TEX11: variants seen among roughly 807,000 people sequenced by gnomAD.
The protein encoded by TEX11 is testis expressed 11.
In TEX11, 7 loss-of-function variants were observed where a neutral mutation model predicts 84.4. The observed-to-expected ratio is 0.08, with a 90% CI of 0.05 to 0.16. The LOEUF (loss-of-function observed/expected upper bound fraction) is 0.16, where lower values mean the gene tolerates loss of function less well. Among genes scored for constraint, TEX11 ranks in the 10% least tolerant of loss-of-function variants. The pLI, the probability that TEX11 is intolerant of heterozygous loss-of-function variation, is 1.00. For synonymous variants in TEX11, 264 were observed against 222.8 expected, an observed-to-expected ratio of 1.18 and a Z score of -1.64; for missense variants, 551 against 660.5, an observed-to-expected ratio of 0.83 and a Z score of 1.82.
intron 17 of TEX11, among the ~76,000 whole-genome samples, chrX:70,641,595 G>C (rs1407245658): frequency 7.2e-5 from 8 of 111,506 alleles, no homozygotes; most frequent in African/African-American, 2.6e-4. Flanking sequence ...AATCAAACTA[G>C]AACTCAGGAT....
intron 25 of TEX11, among the ~76,000 whole-genome samples, chrX:70,566,757 C>G (rs1369990252): frequency 4.3e-4 from 48 of 111,642 alleles, no homozygotes; most frequent in African/African-American, 9.8e-4. Flanking sequence ...ATGAAGCCCA[C>G]TTGATCATGG....
At chrX:70,527,299 C>T (rs1327969027), downstream of TEX11, among the ~76,000 whole-genome samples, 2 of 112,070 alleles carry the variant, frequency 1.8e-5, no homozygotes, top group African/African-American at 6.5e-5. Flanking sequence ...ATTGGAGAGA[C>T]CTGGCAGACA....
In TEX11 at chrX:70,569,183, T is replaced by A. The variant is rs763723347; in HGVS notation, c.2141-14383A>T. The stretch of plus-strand genomic sequence containing the variant: ...ATCTTCCATCACTGACACCCTTTCT[T>A]CCAGTTGATCGCATCGGCTCCTGAG... On this transcript the variant is annotated intron_variant, in intron 25 of 29. Transcript: ENST00000374333. Among the ~76,000 whole-genome samples, 8 of 112,220 alleles carry A rather than the reference T, an allele frequency of 7.1e-5. No homozygotes were observed. In the South Asian group the frequency reaches 3.0e-3, roughly 42 times the overall value.
At chrX:70,772,538 G>A (rs771389920) in intron 9 of TEX11, among the ~76,000 whole-genome samples, 1 of 111,207 alleles carries the variant, frequency 9.0e-6, no homozygotes, top group African/African-American at 3.3e-5. Context: ...TCACAACACT[G>A]CACTGCAGCC....
intron 28 of TEX11, among the ~76,000 whole-genome samples, chrX:70,543,405 A>T (rs2147937427): frequency 9.0e-6 from 1 of 110,967 alleles, no homozygotes; most frequent in South Asian, 3.8e-4. Flanking sequence ...AAGTGGCAAA[A>T]ACAAAATGCA....
At chrX:70,603,239 C>T (rs1315959643) in intron 24 of TEX11, among the ~76,000 whole-genome samples, 5 of 91,925 alleles carry the variant, frequency 5.4e-5, no homozygotes, top group African/African-American at 1.6e-4. Context: ...GAGCCCGCAT[C>T]GCCAAGTCAA....
chrX:70,858,569 A>C (rs2147856624), intron 5 of TEX11, among the ~76,000 whole-genome samples: 1 of 111,193 alleles, frequency 9.0e-6, no homozygotes, highest in African/African-American at 3.3e-5. Flanking sequence ...ATTCTATAAG[A>C]GATTGAACTC....
At chrX:70,840,105 T>A (rs761366920) in intron 7 of TEX11, among the ~76,000 whole-genome samples, 2 of 111,237 alleles carry the variant, frequency 1.8e-5, no homozygotes, top group East Asian at 5.6e-4. Context: ...CAGGCCAACA[T>A]TCAAATTCAG....
intron 28 of TEX11, among the ~76,000 whole-genome samples, chrX:70,535,442 C>T (rs1338638638): frequency 8.9e-6 from 1 of 111,892 alleles, no homozygotes; most frequent in Non-Finnish European, 1.9e-5. Context: ...TGTATTATAA[C>T]CCAAAGTATA....
chrX:70,659,207 T>C (rs1222012369), intron 16 of TEX11, among the ~76,000 whole-genome samples: 5 of 112,006 alleles, frequency 4.5e-5, no homozygotes, highest in African/African-American at 1.6e-4. Context: ...ATCAGATAAA[T>C]GGGCCTCATC....
At chrX:70,671,748 A>G (rs1054660996) in intron 15 of TEX11, among the ~76,000 whole-genome samples, 2 of 108,057 alleles carry the variant, frequency 1.9e-5, no homozygotes, top group African/African-American at 6.7e-5. Flanking sequence ...TTTGTTTCTC[A>G]GATTTTGTTC....
downstream of TEX11, among the ~76,000 whole-genome samples, chrX:70,527,644 CTG>C (rs201050613): frequency 0.067 from 7,463 of 111,541 alleles, 213 homozygotes; most frequent in East Asian, 0.11. Context: ...TGAATGCGGT[CTG>C]TGGATTAGAT....
intron 9 of TEX11, among the ~76,000 whole-genome samples, chrX:70,778,645 T>TTG (rs1200610301): frequency 9.6e-6 from 1 of 103,754 alleles, no homozygotes; most frequent in African/African-American, 4.1e-5. Flanking sequence ...GTTTGTTTGT[T>TTG]TTTGTTTTTT....
intron 17 of TEX11, among the ~76,000 whole-genome samples, chrX:70,643,801 C>T (rs1440805849): frequency 1.8e-5 from 2 of 108,923 alleles, no homozygotes; most frequent in African/African-American, 6.7e-5. Context: ...AACATTCGAC[C>T]TAAAACCATA....
intron 2 of TEX11, among the ~76,000 whole-genome samples, chrX:70,884,770 G>A (rs908733346): frequency 9.1e-5 from 10 of 109,994 alleles, no homozygotes; most frequent in African/African-American, 3.3e-4. Context: ...TTGTAGTTCT[G>A]AGCAGTGTCC....
At chrX:70,563,653 T>A (rs773958908) in intron 25 of TEX11, among the ~76,000 whole-genome samples, 1 of 106,032 alleles carries the variant, frequency 9.4e-6, no homozygotes, top group South Asian at 3.8e-4. Flanking sequence ...AAATAAGGAG[T>A]AGTTTGTTTT....
At chrX:70,706,703 C>A (rs1312229326) in intron 13 of TEX11, among the ~76,000 whole-genome samples, 1 of 111,255 alleles carries the variant, frequency 9.0e-6, no homozygotes, top group Non-Finnish European at 1.9e-5. Context: ...TTTATCTCTG[C>A]ATCTTCAATG....
chrX:70,758,057 T>A (rs1569431824), intron 9 of TEX11, among the ~76,000 whole-genome samples: 1 of 111,661 alleles, frequency 9.0e-6, no homozygotes, highest in Admixed American at 9.5e-5. Context: ...AAGGATCAGT[T>A]CAACAAGAAG....
intron 25 of TEX11, among the ~76,000 whole-genome samples, chrX:70,583,269 C>T (rs937688028): frequency 1.8e-5 from 2 of 111,138 alleles, no homozygotes; most frequent in African/African-American, 6.5e-5. Context: ...CCATCTCACC[C>T]TTCCTAGTCT....
Sources: allele counts gnomAD v4.1 joint callset (sites outside exome capture counted in the v4.1 genomes callset), GRCh38; gene constraint gnomAD v4.1.1; transcripts MANE v1.5; gene names NCBI Gene and HGNC (gene_info 2026-07-23, HGNC 2026-07-21).